The following PCNX2 variants were observed in gnomAD, a reference collection of about 807,000 sequenced individuals.
PCNX2 encodes the protein pecanex 2, also known as pecanex-like protein 2.
A neutral mutation model predicts 223.8 loss-of-function variants in PCNX2; 168 were observed. The observed-to-expected ratio is 0.75, with a 90% CI of 0.66 to 0.85. The LOEUF (loss-of-function observed/expected upper bound fraction) is 0.85. Ranked by LOEUF, PCNX2 falls within the 40% of genes least tolerant of loss-of-function variation. The pLI is 0.00. For synonymous variants in PCNX2, 1,006 were observed against 1,052.6 expected (o/e 0.96, Z 0.86); for missense variants, 2,507 against 2,675.5 (o/e 0.94, Z 1.39).
At chr1:233,181,679 G>A (rs914466102) in intron 15 of PCNX2, among the ~76,000 whole-genome samples, 6 of 151,906 alleles carry the variant, frequency 3.9e-5, no homozygotes, top group Non-Finnish European at 8.8e-5. Flanking sequence ...AGGTCAAGGT[G>A]CAGGAAGGAG....
chr1:233,275,037 G>C (rs1460555002), intron 1 of PCNX2, among the ~76,000 whole-genome samples: 1 of 152,240 alleles, frequency 6.6e-6, no homozygotes, highest in Non-Finnish European at 1.5e-5. Context: ...AATGCACACT[G>C]TGAAACATAT....
chr1:233,172,505 G>A, intron 17 of PCNX2: 1 of 985,382 alleles, frequency 1.0e-6, no homozygotes, highest in Non-Finnish European at 1.2e-6. Context: ...GTGGAGGGTG[G>A]TAGAGCTGAC....
chr1:233,134,267 T>C (rs937143658), intron 21 of PCNX2, among the ~76,000 whole-genome samples: 4 of 152,164 alleles, frequency 2.6e-5, no homozygotes, highest in African/African-American at 9.7e-5. Flanking sequence ...CTATTTCTGC[T>C]TACAAACGTA....
At chr1:233,198,815 G>T in intron 15 of PCNX2, 124 bp downstream of exon 15, 1 of 979,864 alleles carries the variant, frequency 1.0e-6, no homozygotes, top group Non-Finnish European at 1.5e-6. Flanking sequence ...CAGCCACACA[G>T]TCACTCCCTG....
At chr1:233,064,042 A>G (rs1005717405) in intron 23 of PCNX2, among the ~76,000 whole-genome samples, 3 of 151,998 alleles carry the variant, frequency 2.0e-5, no homozygotes, top group African/African-American at 7.2e-5. Context: ...TTTATTCTAA[A>G]TATATATATG....
intron 9 of PCNX2, among the ~76,000 whole-genome samples, chr1:233,228,759 G>A (rs1349789394): frequency 6.6e-6 from 1 of 152,192 alleles, no homozygotes; most frequent in African/African-American, 2.4e-5. Flanking sequence ...GAATAATGCT[G>A]CTAGGAGCAC....
intron 25 of PCNX2, among the ~76,000 whole-genome samples, chr1:233,035,122 A>G (rs535982140): frequency 2.6e-5 from 4 of 152,318 alleles, no homozygotes; most frequent in Non-Finnish European, 4.4e-5. Context: ...GACGTTAAAC[A>G]TGGTCCCCTG....
chr1:233,075,656 T>C (rs1415222371), intron 23 of PCNX2, among the ~76,000 whole-genome samples: 3 of 151,742 alleles, frequency 2.0e-5, no homozygotes, highest in South Asian at 4.2e-4. Flanking sequence ...TCTGTCTCTA[T>C]TGTTTCATTC....
rs1339767167 is a variant in PCNX2, at chr1:233,208,210, C to T, written c.2863+308G>A. Among the ~76,000 whole-genome samples, 10 of 152,288 alleles carry T rather than the reference C, an allele frequency of 6.6e-5. No homozygotes were observed. In the East Asian group the frequency reaches 1.2e-3, roughly 18 times the overall value. On this transcript the variant is annotated intron_variant, in intron 13 of 33. Coordinates refer to ENST00000258229, the MANE Select transcript of PCNX2 (RefSeq NM_014801.4). ...CTGACCTCAGGTGACCCACCGGCCT[C>T]GGCCTCCCGAAGTGCTAGGATTACA...
chr1:233,215,297 G>A (rs910394263), intron 12 of PCNX2, among the ~76,000 whole-genome samples: 4 of 152,170 alleles, frequency 2.6e-5, no homozygotes, highest in African/African-American at 7.2e-5. Context: ...TAGAAGTACT[G>A]GAGAAATGCC....
At chr1:233,174,814 C>CT (rs1679378119) in intron 17 of PCNX2, among the ~76,000 whole-genome samples, 1 of 152,106 alleles carries the variant, frequency 6.6e-6, no homozygotes, top group African/African-American at 2.4e-5. Context: ...AAGTTTATAT[C>CT]TTTATTAAGT....
At chr1:233,108,205 T>A (rs1454296007) in intron 21 of PCNX2, among the ~76,000 whole-genome samples, 4 of 152,206 alleles carry the variant, frequency 2.6e-5, no homozygotes, top group Non-Finnish European at 4.4e-5. Flanking sequence ...ATAAACTTGC[T>A]TTCACTTTCT....
chr1:233,141,799 G>GTGTGTATA (rs368643677), intron 19 of PCNX2, among the ~76,000 whole-genome samples: 5 of 150,306 alleles, frequency 3.3e-5, no homozygotes, highest in African/African-American at 9.9e-5. Context: ...GTGTGTGTGT[G>GTGTGTATA]TATATGAAGA....
At chr1:233,263,433 T>C (rs1660164819) in intron 1 of PCNX2, among the ~76,000 whole-genome samples, 1 of 151,142 alleles carries the variant, frequency 6.6e-6, no homozygotes, top group Non-Finnish European at 1.5e-5. Flanking sequence ...ACAAAAGATA[T>C]ATTCGAGGAA....
chr1:233,291,879 T>C (rs1661786926), intron 1 of PCNX2: 2 of 985,174 alleles, frequency 2.0e-6, no homozygotes, highest in Non-Finnish European at 1.2e-6. Flanking sequence ...ATGAGGCTAG[T>C]GCTCTCAGAA....
chr1:233,301,241 G>T, the PCNX2 span, among the ~76,000 whole-genome samples: 1 of 152,046 alleles, frequency 6.6e-6, no homozygotes, highest in Admixed American at 6.5e-5. Context: ...AACAAGAAAG[G>T]TCCTTTAAAA....
chr1:233,244,196 A>AAATGG lies in PCNX2; in HGVS notation c.2222+6538_2222+6542dup, dbSNP rs1283996347. 7.2e-5 allele frequency among the ~76,000 whole-genome samples: 11 copies of AAATGG among 152,278 alleles called. No homozygotes were observed. In the South Asian group the frequency reaches 8.3e-4, roughly 11 times the overall value. On this transcript the variant is annotated intron_variant, in intron 8 of 33. Transcript: ENST00000258229. Reference sequence around the variant, plus strand: ...GTATTATCTGCATTTTTTGGTTAGAAAATGGATACTTAAGATGGTTAAGCA... The same window carrying AAATGG: ...GTATTATCTGCATTTTTTGGTTAGAAAATGGAATGGATACTTAAGATGGTTAAGCA...
chr1:233,247,853 A>C (rs532375656), intron 8 of PCNX2, among the ~76,000 whole-genome samples: 4 of 134,502 alleles, frequency 3.0e-5, no homozygotes, highest in Admixed American at 1.7e-4. Context: ...ACTCCAGCCT[A>C]GGTGAAAGAG....
Position 233,200,147 on chromosome 1 carries a change from G to C in PCNX2, c.2974+7C>G. 1 of 1,549,104 alleles carries C rather than the reference G, an allele frequency of 6.5e-7. No homozygotes were observed. The highest frequency in any genetic ancestry group is 1.2e-5 in the South Asian group (1 of 84,512). ...TTTACAGGAAGAATAGAATGTAAAC[G>C]ACTTACCAGAACCACCAAAAAACAG... is the stretch of plus-strand genomic sequence containing the variant. On this transcript the variant is annotated splice_region_variant and intron_variant, in intron 14 of 33. Transcript: ENST00000258229.
Sources: gnomAD v4.1 joint callset for allele counts (sites outside exome capture counted in the v4.1 genomes callset) on GRCh38, gnomAD v4.1.1 for gene constraint, MANE v1.5 for transcripts, NCBI Gene and HGNC (gene_info 2026-07-23, HGNC 2026-07-21) for gene names.